Variants in TENM2 observed in about 807,000 individuals in gnomAD.
The protein encoded by TENM2 is teneurin-2.
A neutral mutation model predicts 245.2 loss-of-function variants in TENM2; 52 were observed. The observed-to-expected ratio is 0.21, with a 90% CI of 0.17 to 0.27. The LOEUF is 0.27. Ranked by LOEUF, TENM2 falls within the 10% of genes least tolerant of loss-of-function variation. The pLI is 1.00. For synonymous variants in TENM2, 1,363 were observed against 1,438.9 expected (o/e 0.95, Z 1.19); for missense variants, 3,046 against 3,666.8 (o/e 0.83, Z 4.37).
rs60856762 is a variant in TENM2 at position 167,411,573 on chromosome 5, A to AGTGTGTGTGT, written c.502+36127_502+36136dup. 9.2e-3 allele frequency among the ~76,000 whole-genome samples: 1,335 copies of AGTGTGTGTGT among 145,084 alleles called. 10 individuals carry two copies. The highest frequency in any genetic ancestry group is 0.018 in the Middle Eastern group (5 of 284). On this transcript the variant is annotated intron_variant, in intron 2 of 28. Transcript: ENST00000518659. ...GTGTGCATGTGTATATGTAGGTGAGAGTGTGTGTGTGTGTGTGTGTGTGTG... is the reference window on the plus strand; with the variant it reads ...GTGTGCATGTGTATATGTAGGTGAGAGTGTGTGTGTGTGTGTGTGTGTGTGTGTGTGTGTG...
At chr5:167,972,181 T>C (rs142799432) in intron 4 of TENM2, among the ~76,000 whole-genome samples, 51 of 152,340 alleles carry the variant, frequency 3.3e-4, no homozygotes, top group African/African-American at 1.2e-3. Context: ...AGACAGAAAA[T>C]GGAAAGGAAT....
At chr5:167,565,013 G>A (rs1773822283) in intron 2 of TENM2, among the ~76,000 whole-genome samples, 4 of 152,230 alleles carry the variant, frequency 2.6e-5, no homozygotes, top group African/African-American at 7.2e-5. Context: ...TGCCACAGGG[G>A]CCTAAAGTAG....
intron 13 of TENM2, among the ~76,000 whole-genome samples, chr5:168,175,566 G>A (rs1437045813): frequency 6.7e-6 from 1 of 149,106 alleles, no homozygotes; most frequent in Non-Finnish European, 1.5e-5. Flanking sequence ...AAGAAGCTGA[G>A]GGCCTAGAGG....
chr5:167,752,331 C>T (rs1762019527), intron 2 of TENM2, among the ~76,000 whole-genome samples: 1 of 138,840 alleles, frequency 7.2e-6, no homozygotes, highest in African/African-American at 2.8e-5. Flanking sequence ...CCATGCTGGT[C>T]TCAAACTCCT....
At chr5:167,846,313 A>G (rs1770034285) in intron 2 of TENM2, among the ~76,000 whole-genome samples, 1 of 152,368 alleles carries the variant, frequency 6.6e-6, no homozygotes, top group East Asian at 1.9e-4. Flanking sequence ...TAGTAAACAC[A>G]CACTACAACA....
chr5:167,377,883 A>G (rs758687977), intron 2 of TENM2, among the ~76,000 whole-genome samples: 47 of 152,178 alleles, frequency 3.1e-4, no homozygotes, highest in Non-Finnish European at 5.0e-4. Flanking sequence ...GGCTTCCTCC[A>G]TAATAAACAC....
At chr5:167,939,665 A>T (rs1359039778) in intron 3 of TENM2, among the ~76,000 whole-genome samples, 1 of 152,226 alleles carries the variant, frequency 6.6e-6, no homozygotes, top group Non-Finnish European at 1.5e-5. Context: ...TGAGGAAGCC[A>T]TTGGATTTCA....
At chr5:167,210,285 T>C in the TENM2 span, among the ~76,000 whole-genome samples, 1 of 152,192 alleles carries the variant, frequency 6.6e-6, no homozygotes, top group Admixed American at 6.5e-5. Context: ...ACTGTGCTTC[T>C]TTCCCATAAT....
At chr5:167,610,969 A>G (rs1221554028) in intron 2 of TENM2, among the ~76,000 whole-genome samples, 1 of 152,194 alleles carries the variant, frequency 6.6e-6, no homozygotes, top group East Asian at 1.9e-4. Context: ...CCAGCACTAG[A>G]CTAAGCCCTG....
At chr5:167,323,190 T>C (rs1325551759) in intron 1 of TENM2, among the ~76,000 whole-genome samples, 1 of 152,198 alleles carries the variant, frequency 6.6e-6, no homozygotes, top group Non-Finnish European at 1.5e-5. Context: ...ACCTAGTCTT[T>C]TAAAAGTCCT....
At chr5:167,014,140 C>CTTTT in the TENM2 span, among the ~76,000 whole-genome samples, 4 of 128,672 alleles carry the variant, frequency 3.1e-5, no homozygotes, top group South Asian at 2.5e-4. Flanking sequence ...AAAACCAATT[C>CTTTT]TTTTTTTTTT....
At chr5:167,594,581 ATGTTT>A (rs1776076717) in intron 2 of TENM2, among the ~76,000 whole-genome samples, 1 of 152,200 alleles carries the variant, frequency 6.6e-6, no homozygotes, top group South Asian at 2.1e-4. Context: ...GTAAATTACA[ATGTTT>A]TTATTTGTTA....
the TENM2 span, among the ~76,000 whole-genome samples, chr5:166,984,347 G>T: frequency 6.6e-6 from 1 of 152,034 alleles, no homozygotes; most frequent in Non-Finnish European, 1.5e-5. Context: ...AAATCTTAAG[G>T]TGGGACACAT....
At chr5:168,190,762 C>A (rs772429799) in intron 14 of TENM2, 59 of 463,958 alleles carry the variant, frequency 1.3e-4, no homozygotes, top group Admixed American at 1.6e-4. Context: ...ATGTCAACAT[C>A]TTTAACCCAG....
the TENM2 span, among the ~76,000 whole-genome samples, chr5:167,037,004 C>T: frequency 6.6e-6 from 1 of 152,134 alleles, no homozygotes; most frequent in Non-Finnish European, 1.5e-5. Flanking sequence ...CCTCCCACAC[C>T]GAATATATTT....
At chr5:167,836,197 A>C (rs1401892139) in intron 2 of TENM2, among the ~76,000 whole-genome samples, 2 of 152,204 alleles carry the variant, frequency 1.3e-5, no homozygotes, top group Non-Finnish European at 2.9e-5. Context: ...CCTCCAGCCT[A>C]ACTGAGAACC....
intron 5 of TENM2, among the ~76,000 whole-genome samples, chr5:168,025,138 C>T (rs912214079): frequency 6.6e-6 from 1 of 152,158 alleles, no homozygotes; most frequent in African/African-American, 2.4e-5. Context: ...CCACTTGGGA[C>T]TCACATGCAA....
chr5:168,176,864 A>G (rs1408119563), intron 13 of TENM2, among the ~76,000 whole-genome samples: 1 of 152,240 alleles, frequency 6.6e-6, no homozygotes, highest in Non-Finnish European at 1.5e-5. Flanking sequence ...CACCCAAGTC[A>G]CTATATACCG....
At chr5:167,677,554 T>C (rs1301531420) in intron 2 of TENM2, among the ~76,000 whole-genome samples, 1 of 151,792 alleles carries the variant, frequency 6.6e-6, no homozygotes, top group African/African-American at 2.4e-5. Context: ...TGTACTAACC[T>C]TACCTATTTT....
Sources: gnomAD v4.1 joint callset for allele counts (sites outside exome capture counted in the v4.1 genomes callset) on GRCh38, gnomAD v4.1.1 for gene constraint, MANE v1.5 for transcripts, NCBI Gene and HGNC (gene_info 2026-07-23, HGNC 2026-07-21) for gene names.